SLC38A4: variants seen among roughly 807,000 people sequenced by gnomAD.
The protein encoded by SLC38A4 is solute carrier family 38 member 4, also known as sodium-coupled neutral amino acid transporter 4.
Under a neutral mutation model 63.1 loss-of-function variants are expected in SLC38A4, and 20 were observed. That is an observed-to-expected ratio of 0.32 (90% confidence interval 0.22 to 0.46). SLC38A4 has a LOEUF of 0.46. Among genes scored for constraint, SLC38A4 ranks in the 20% least tolerant of loss-of-function variants. SLC38A4 has a pLI of 1.00. For synonymous variants in SLC38A4, 230 were observed against 225.5 expected (o/e 1.02, Z -0.18); for missense variants, 526 against 663.6 (o/e 0.79, Z 2.28).
At chr12:46,772,653 T>C (rs1938442862) in intron 14 of SLC38A4, among the ~76,000 whole-genome samples, 1 of 152,012 alleles carries the variant, frequency 6.6e-6, no homozygotes, top group Non-Finnish European at 1.5e-5. Flanking sequence ...AAGCAGTTAC[T>C]ATGCACCTTT....
intron 14 of SLC38A4, among the ~76,000 whole-genome samples, chr12:46,773,128 A>G (rs1400361734): frequency 1.3e-5 from 2 of 152,106 alleles, no homozygotes; most frequent in Non-Finnish European, 2.9e-5. Flanking sequence ...TGTATCCTTC[A>G]TGTATAGGGA....
chr12:46,802,498 A>G (rs1467096780), intron 2 of SLC38A4, among the ~76,000 whole-genome samples: 1 of 152,054 alleles, frequency 6.6e-6, no homozygotes, highest in Admixed American at 6.6e-5. Context: ...AACATGTTTA[A>G]AGAAAACTCA....
intron 1 of SLC38A4, among the ~76,000 whole-genome samples, chr12:46,808,716 T>C (rs1000694789): frequency 4.6e-5 from 7 of 152,070 alleles, no homozygotes; most frequent in African/African-American, 1.4e-4. Context: ...ATAGGACTTA[T>C]GGGTGATTAC....
intron 1 of SLC38A4, among the ~76,000 whole-genome samples, chr12:46,812,544 C>G (rs1939361092): frequency 6.6e-6 from 1 of 152,020 alleles, no homozygotes; most frequent in South Asian, 2.1e-4. Flanking sequence ...AACAACTTGG[C>G]AAACTGTATG....
chr12:46,790,782 T>G (rs1318602641), intron 3 of SLC38A4, among the ~76,000 whole-genome samples: 1 of 152,148 alleles, frequency 6.6e-6, no homozygotes, highest in Non-Finnish European at 1.5e-5. Flanking sequence ...ATGTTAAATG[T>G]TTTGATACCA....
In SLC38A4 at chr12:46,768,502, G is replaced by A. The variant is rs544892788; in HGVS notation, c.1445-95C>T. On this transcript the variant is annotated intron_variant, in intron 15 of 16. Coordinates refer to ENST00000266579, the MANE Select transcript of SLC38A4 (RefSeq NM_018018.5). The stretch of plus-strand genomic sequence containing the variant: ...ACACTTTAAATAAACCAAATATAAA[G>A]CTATCCTATACTTAGCACTAAAAAC... 2.3e-4 allele frequency: 181 copies of A among 787,108 alleles called. 2 individuals carry two copies. In the South Asian group the frequency reaches 3.1e-3, roughly 14 times the overall value. 48.8% of individuals were successfully genotyped at this position (787,108 alleles called of 1,614,324 possible).
In SLC38A4 at chr12:46,765,447, C is replaced by T. The variant is rs1018137774; in HGVS notation, c.*1254G>A. 2.7e-6 allele frequency: 1 copy of T among 369,386 alleles called. No individual in the cohort carries two copies. Among genetic ancestry groups the T allele is most frequent in the Non-Finnish European group, 5.2e-6 (1 of 192,672 alleles). The allele number at this position is 369,386 out of a possible 1,614,324, so 22.9% of individuals were successfully genotyped here. On this transcript the variant is annotated 3_prime_UTR_variant, in exon 17 of 17. Coordinates refer to ENST00000266579, the MANE Select transcript of SLC38A4 (RefSeq NM_018018.5). ...TAGATATGCTAAATTAAAAGAACAACTTTAGTATGATAAAAATTTGCAAAA... is the reference window on the plus strand; with the variant it reads ...TAGATATGCTAAATTAAAAGAACAATTTTAGTATGATAAAAATTTGCAAAA...
rs888521208 is a variant in SLC38A4, at chr12:46,784,702, A to C, written c.401-68T>G. On this transcript the variant is annotated intron_variant, in intron 6 of 16. Coordinates refer to ENST00000266579, the MANE Select transcript of SLC38A4 (RefSeq NM_018018.5). ...AATGACTAAAATATTTTTGTCATAT[A>C]ATTCCATGCTGGAGTCTCAAACATG... 6.3e-6 allele frequency: 8 copies of C among 1,260,670 alleles called. No homozygotes were observed. The South Asian group carries it at 1.1e-4, about 17-fold the overall frequency. The allele number at this position is 1,260,670 out of a possible 1,614,324, so 78.1% of individuals were successfully genotyped here.
At chr12:46,795,996 T>G (rs1938995119) in intron 2 of SLC38A4, among the ~76,000 whole-genome samples, 4 of 152,066 alleles carry the variant, frequency 2.6e-5, no homozygotes, top group Admixed American at 2.6e-4. Context: ...TTAAAAAAAC[T>G]ATTTCTTCCC....
chr12:46,782,682 C>T lies in SLC38A4; in HGVS notation c.493+1860G>A, dbSNP rs527415688. ...AACTCCAGAGACATGGATATGGAAG[C>T]AGAGAACCAGGGAGGAGAGAAGCAT... On this transcript the variant is annotated intron_variant, in intron 7 of 16. Coordinates refer to ENST00000266579, the MANE Select transcript of SLC38A4 (RefSeq NM_018018.5). Among the ~76,000 whole-genome samples, 5 of 151,380 alleles carry T rather than the reference C, an allele frequency of 3.3e-5. 1 individual carries two copies. The highest frequency in any genetic ancestry group is 1.2e-4 in the African/African-American group (5 of 41,226).
chr12:46,781,300 G>A (rs1198527325), intron 7 of SLC38A4, among the ~76,000 whole-genome samples: 3 of 151,974 alleles, frequency 2.0e-5, no homozygotes, highest in African/African-American at 4.8e-5. Context: ...TTACAATAGC[G>A]GATGTACCTT....
intron 14 of SLC38A4, among the ~76,000 whole-genome samples, chr12:46,772,912 TAAATG>T (rs1232753044): frequency 8.5e-5 from 13 of 152,088 alleles, no homozygotes; most frequent in Admixed American, 8.5e-4. Context: ...AAGAGTTCCT[TAAATG>T]AAATAAACTG....
chr12:46,794,578 T>C (rs1480223991), intron 2 of SLC38A4, among the ~76,000 whole-genome samples: 2 of 150,984 alleles, frequency 1.3e-5, no homozygotes, highest in South Asian at 4.1e-4. Flanking sequence ...ATCATTGAAA[T>C]TTAAAAAAAC....
intron 10 of SLC38A4, 55 bp from the exon 11 acceptor site, chr12:46,778,831 G>A (rs1293285621): frequency 2.6e-6 from 4 of 1,535,898 alleles, no homozygotes; most frequent in Non-Finnish European, 2.7e-6. Flanking sequence ...AAAAAACAAT[G>A]AAATAAGAAT....
chr12:46,814,245 A>T (rs1461433009), intron 1 of SLC38A4, among the ~76,000 whole-genome samples: 1 of 151,964 alleles, frequency 6.6e-6, no homozygotes. Context: ...TTCACTTGTT[A>T]TACTATTGGT....
At chr12:46,776,497 A>T (rs1272989994) in intron 13 of SLC38A4, among the ~76,000 whole-genome samples, 6 of 152,024 alleles carry the variant, frequency 3.9e-5, no homozygotes, top group Admixed American at 3.9e-4. Flanking sequence ...GGCAAATTCA[A>T]ACTTGAGGAC....
chr12:46,796,336 T>C (rs974451402), intron 2 of SLC38A4, among the ~76,000 whole-genome samples: 1 of 152,216 alleles, frequency 6.6e-6, no homozygotes, highest in African/African-American at 2.4e-5. Context: ...CAGAAGTTCC[T>C]TTTGTTCCCT....
intron 2 of SLC38A4, among the ~76,000 whole-genome samples, chr12:46,795,815 G>C (rs535106431): frequency 6.6e-6 from 1 of 150,888 alleles, no homozygotes; most frequent in Admixed American, 6.7e-5. Flanking sequence ...ATAATTTATC[G>C]ATGGTTTTCT....
chr12:46,795,067 A>C (rs1337043807), intron 2 of SLC38A4, among the ~76,000 whole-genome samples: 1 of 151,974 alleles, frequency 6.6e-6, no homozygotes, highest in African/African-American at 2.4e-5. Context: ...ACTTCCCAGC[A>C]GCAACCACTA....
Sources: allele counts gnomAD v4.1 joint callset (sites outside exome capture counted in the v4.1 genomes callset), GRCh38; gene constraint gnomAD v4.1.1; transcripts MANE v1.5; gene names NCBI Gene and HGNC (gene_info 2026-07-23, HGNC 2026-07-21).